The following ITPR2 variants were observed in gnomAD, a reference collection of about 807,000 sequenced individuals.
ITPR2 encodes the protein inositol 1,4,5-trisphosphate receptor type 2.
A neutral mutation model predicts 317.1 loss-of-function variants in ITPR2; 207 were observed. The observed-to-expected ratio is 0.65, with a 90% CI of 0.58 to 0.73. The LOEUF (loss-of-function observed/expected upper bound fraction) is 0.73, where lower values mean the gene tolerates loss of function less well. Among genes scored for constraint, ITPR2 ranks in the 30% least tolerant of loss-of-function variants. ITPR2 has a pLI of 0.00. For missense variants in ITPR2, 2,613 were observed against 3,284.0 expected (o/e 0.80, Z 4.99); for synonymous variants, 1,156 against 1,149.1 (o/e 1.01, Z -0.12).
intron 2 of ITPR2, among the ~76,000 whole-genome samples, chr12:26,726,268 A>C (rs1008257576): frequency 6.6e-6 from 1 of 152,210 alleles, no homozygotes; most frequent in Non-Finnish European, 1.5e-5. Flanking sequence ...AAAATCTGAA[A>C]GACAATATGA....
chr12:26,537,796 A>G (rs1490469433), intron 37 of ITPR2, among the ~76,000 whole-genome samples: 1 of 152,234 alleles, frequency 6.6e-6, no homozygotes, highest in Non-Finnish European at 1.5e-5. Flanking sequence ...GATAACTGAG[A>G]TAAGATAGAC....
At position 26,527,834 on chromosome 12, in the gene ITPR2, G is replaced by A. The variant is rs556557898; in HGVS notation, c.5073+22413C>T. Among the ~76,000 whole-genome samples, 233 of 152,306 alleles carry A rather than the reference G, an allele frequency of 1.5e-3. 1 individual carries two copies. Among genetic ancestry groups the A allele is most frequent in the Admixed American group, 2.3e-3 (35 of 15,298 alleles). ...TACGTAATGAGATAAAGCTCCCAATGGAGAAAGGTCAATAGGGAAGTGCCC... is the reference window on the plus strand; with the variant it reads ...TACGTAATGAGATAAAGCTCCCAATAGAGAAAGGTCAATAGGGAAGTGCCC... On this transcript the variant is annotated intron_variant, in intron 37 of 56. Transcript: ENST00000381340.
chr12:26,670,722 G>A (rs1209093237), intron 13 of ITPR2, among the ~76,000 whole-genome samples: 4 of 152,190 alleles, frequency 2.6e-5, no homozygotes, highest in African/African-American at 9.7e-5. Flanking sequence ...CGAGTTGAGA[G>A]AAGAAGGCTT....
At position 26,711,224 on chromosome 12, in the gene ITPR2, G is replaced by A. The variant is rs374680825; in HGVS notation, c.900C>T (p.Asn300=). 1.8e-5 allele frequency: 29 copies of A among 1,613,772 alleles called. No individual in the cohort carries two copies. In the African/African-American group the frequency reaches 2.8e-4, roughly 16 times the overall value. Residue 300 remains asparagine, a synonymous_variant, in exon 9 of 57, where the codon AAC becomes AAT. Transcript: ENST00000381340. Reference sequence around the variant, plus strand: ...CAAGATGCTTAAATCTGAACAAGCTGTTCCACTGTCCTGCACCCCCACGGC... The same window carrying A: ...CAAGATGCTTAAATCTGAACAAGCTATTCCACTGTCCTGCACCCCCACGGC... ...DPCRGGAGQW[N]SLFRFKHLAT...
intron 26 of ITPR2, among the ~76,000 whole-genome samples, chr12:26,608,127 A>T (rs1946179720): frequency 1.3e-5 from 2 of 152,132 alleles, no homozygotes; most frequent in Admixed American, 1.3e-4. Flanking sequence ...TTTCAAAAAA[A>T]TAAATAAATA....
At chr12:26,469,496 C>G (rs1942249385) in intron 45 of ITPR2, among the ~76,000 whole-genome samples, 1 of 152,150 alleles carries the variant, frequency 6.6e-6, no homozygotes, top group African/African-American at 2.4e-5. Flanking sequence ...AATTGCTCCC[C>G]AGAAAACCCT....
chr12:26,418,968 A>T, intron 50 of ITPR2, 81 bp downstream of exon 50: 1 of 1,265,816 alleles, frequency 7.9e-7, no homozygotes, highest in South Asian at 2.0e-5. Context: ...GCTTAAAAAA[A>T]AAAATCAAAG....
chr12:26,802,495 A>G (rs1222984026), intron 1 of ITPR2, among the ~76,000 whole-genome samples: 2 of 151,584 alleles, frequency 1.3e-5, no homozygotes, highest in South Asian at 2.1e-4. Flanking sequence ...AAATTAATAT[A>G]CATATCCAAC....
intron 39 of ITPR2, 130 bp from the exon 40 acceptor site, chr12:26,487,381 T>C (rs1394699031): frequency 3.3e-6 from 2 of 610,020 alleles, no homozygotes; most frequent in African/African-American, 3.7e-5. Context: ...ATTTCATAAA[T>C]TGACAGCCTT....
intron 21 of ITPR2, chr12:26,649,203 CA>C: frequency 2.3e-5 from 1 of 44,444 alleles, no homozygotes; most frequent in African/African-American, 9.7e-5. Flanking sequence ...CACACACACC[CA>C]CACACACACA....
chr12:26,699,327 C>T (rs10842779), intron 9 of ITPR2, among the ~76,000 whole-genome samples: 18,639 of 152,202 alleles, frequency 0.12, 1,243 homozygotes, highest in Middle Eastern at 0.21. Context: ...CTTAGGATTA[C>T]CCGTCCCTGA....
chr12:26,662,705 T>C (rs1174780298), intron 15 of ITPR2, among the ~76,000 whole-genome samples: 3 of 152,204 alleles, frequency 2.0e-5, no homozygotes, highest in Non-Finnish European at 4.4e-5. Flanking sequence ...CAGGGTCTCA[T>C]TCTGTTGCTC....
intron 34 of ITPR2, among the ~76,000 whole-genome samples, chr12:26,566,428 A>AAGAGGAGAAGGAGAGGAAAG (rs1944988142): frequency 1.7e-5 from 2 of 119,344 alleles, no homozygotes; most frequent in Non-Finnish European, 1.7e-5. Flanking sequence ...AAGGAGAGGT[A>AAGAGGAGAAGGAGAGGAAAG]AGAGGAGAAG....
chr12:26,546,112 TA>T (rs1051219744), intron 37 of ITPR2, among the ~76,000 whole-genome samples: 2 of 152,258 alleles, frequency 1.3e-5, no homozygotes, highest in African/African-American at 4.8e-5. Flanking sequence ...GTATGCTTTT[TA>T]TAAGGCTTTT....
intron 34 of ITPR2, among the ~76,000 whole-genome samples, chr12:26,578,165 T>TTA (rs1473900452): frequency 5.9e-5 from 9 of 151,376 alleles, no homozygotes; most frequent in Admixed American, 2.0e-4. Context: ...CCTAATTAAC[T>TTA]TATTAACTTT....
rs1478362381 is a variant in ITPR2 at position 26,338,012 on chromosome 12, C to T, written c.*1385G>A. Reference sequence around the variant, plus strand: ...AGCAAACCCTATCTAGACCTTAAACCTTGGCGTTGATAACTGAGAATTTAA... The same window carrying T: ...AGCAAACCCTATCTAGACCTTAAACTTTGGCGTTGATAACTGAGAATTTAA... On this transcript the variant is annotated 3_prime_UTR_variant, in exon 57 of 57. Coordinates refer to ENST00000381340, the MANE Select transcript of ITPR2 (RefSeq NM_002223.4). The T allele has an allele frequency of 1.3e-5, 2 of 152,280 alleles. No individual in the cohort carries two copies. The highest frequency in any genetic ancestry group is 1.9e-4 in the East Asian group (1 of 5,180). 9.4% of individuals were successfully genotyped at this position (152,280 alleles called of 1,614,324 possible).
intron 5 of ITPR2, 111 bp downstream of exon 5, chr12:26,722,286 G>A (rs1022543761): frequency 1.5e-5 from 13 of 868,264 alleles, no homozygotes; most frequent in Non-Finnish European, 2.1e-5. Context: ...TAAAAATCAG[G>A]TATTGAGTAA....
chr12:26,645,723 C>A (rs1429676389), intron 21 of ITPR2, among the ~76,000 whole-genome samples: 2 of 152,202 alleles, frequency 1.3e-5, no homozygotes, highest in Non-Finnish European at 1.5e-5. Context: ...GCACTGTGAA[C>A]TCTACTGCAA....
chr12:26,833,035 A>G lies in ITPR2; in HGVS notation c.-254T>C, dbSNP rs1211680411. 4 of 465,042 alleles carry G rather than the reference A, an allele frequency of 8.6e-6. No individual in the cohort carries two copies. Among genetic ancestry groups the G allele is most frequent in the East Asian group, 4.2e-5 (1 of 23,934 alleles). 28.8% of individuals were successfully genotyped at this position (465,042 alleles called of 1,614,324 possible). On this transcript the variant is annotated 5_prime_UTR_variant, in exon 1 of 57. Transcript: ENST00000381340. Reference sequence around the variant, plus strand: ...CAGCCCAGGCGCCCAGAGAAGCCGCAGCCGCCGCCGCCTCCCCGGCAGGTT... The same window carrying G: ...CAGCCCAGGCGCCCAGAGAAGCCGCGGCCGCCGCCGCCTCCCCGGCAGGTT...
Sources: gnomAD v4.1 joint callset for allele counts (sites outside exome capture counted in the v4.1 genomes callset) on GRCh38, gnomAD v4.1.1 for gene constraint, MANE v1.5 for transcripts, NCBI Gene and HGNC (gene_info 2026-07-23, HGNC 2026-07-21) for gene names.